Variants in KDM4C observed in about 807,000 individuals in gnomAD.
The protein encoded by KDM4C is lysine-specific demethylase 4C.
KDM4C carries 81 observed loss-of-function variants against 129.3 expected under a neutral mutation model. The observed-to-expected ratio is 0.63, with a 90% CI of 0.52 to 0.75. The LOEUF is 0.75. KDM4C is among the 30% of genes least tolerant of loss of function. The probability of loss-of-function intolerance (pLI) is 0.00; values close to 1 mark genes in which losing one functional copy is unlikely to be tolerated. For missense variants in KDM4C, 1,457 were observed against 1,304.0 expected, an observed-to-expected ratio of 1.12 and a Z score of -1.81; for synonymous variants, 573 against 456.1, an observed-to-expected ratio of 1.26 and a Z score of -3.26.
chr9:7,166,047 T>C (rs986858065), intron 20 of KDM4C, among the ~76,000 whole-genome samples: 3 of 152,220 alleles, frequency 2.0e-5, no homozygotes, highest in Non-Finnish European at 4.4e-5. Flanking sequence ...CGTGCACATT[T>C]ATATTCCTTC....
intron 8 of KDM4C, among the ~76,000 whole-genome samples, chr9:6,961,008 A>G (rs1589330084): frequency 1.3e-5 from 2 of 152,226 alleles, no homozygotes; most frequent in East Asian, 3.8e-4. Flanking sequence ...GATGGAGAAC[A>G]GCAAGAGGTG....
Position 7,031,130 on chromosome 9 carries a change from GTTTATTTATTTA to G in KDM4C, c.2259+15231_2259+15242del, listed in dbSNP as rs57636781. Among the ~76,000 whole-genome samples, 16 of 141,252 alleles carry G rather than the reference GTTTATTTATTTA, an allele frequency of 1.1e-4. No individual in the cohort carries two copies. In the South Asian group the frequency reaches 1.3e-3, roughly 12 times the overall value. 92.7% of individuals were successfully genotyped at this position (141,252 alleles called of 152,430 possible). On this transcript the variant is annotated intron_variant, in intron 15 of 21. Coordinates refer to ENST00000381309, the MANE Select transcript of KDM4C (RefSeq NM_015061.6). ...ATTCATTGTGTCCTTTATTTTACTT[GTTTATTTATTTA>G]TTTATTTATTTATTTATTTATTTAT...
intron 8 of KDM4C, among the ~76,000 whole-genome samples, chr9:6,943,056 A>G (rs1002895187): frequency 4.6e-5 from 7 of 151,868 alleles, no homozygotes; most frequent in Non-Finnish European, 8.8e-5. Context: ...TTTTGTAGAG[A>G]CGAGGTCTTG....
At chr9:7,073,994 T>C (rs967153320) in intron 17 of KDM4C, among the ~76,000 whole-genome samples, 1 of 152,164 alleles carries the variant, frequency 6.6e-6, no homozygotes, top group African/African-American at 2.4e-5. Context: ...CATTTTAGCA[T>C]TGACAGCTTT....
intron 15 of KDM4C, among the ~76,000 whole-genome samples, chr9:7,024,059 T>C (rs1421732667): frequency 6.6e-6 from 1 of 152,220 alleles, no homozygotes; most frequent in Non-Finnish European, 1.5e-5. Flanking sequence ...ACATGACCTA[T>C]CTTTGAGAAT....
chr9:6,736,746 A>AGT lies in KDM4C; in HGVS notation c.49+15749_49+15750insGT, dbSNP rs568688476. Among the ~76,000 whole-genome samples, 70 of 152,268 alleles carry AGT rather than the reference A, an allele frequency of 4.6e-4. 1 individual carries two copies. The highest frequency in any genetic ancestry group is 1.5e-3 in the African/African-American group (64 of 41,556). On this transcript the variant is annotated intron_variant, in intron 1 of 17. Coordinates refer to the KDM4C transcript ENST00000536108. The stretch of plus-strand genomic sequence containing the variant: ...CTTCAGCAAAGTTTTAGGATACAAA[A>AGT]TCAGTATACAGAAATCAGTATCCAC...
At chr9:7,152,594 G>A (rs1221516118) in intron 19 of KDM4C, among the ~76,000 whole-genome samples, 2 of 152,206 alleles carry the variant, frequency 1.3e-5, no homozygotes. Flanking sequence ...TTCTGTTTGG[G>A]AAGATAAAGT....
rs33974740 is a variant in KDM4C at position 6,926,341 on chromosome 9, T to TAA, written c.921+33122_921+33123dup. 2.5e-3 allele frequency among the ~76,000 whole-genome samples: 268 copies of TAA among 107,384 alleles called. 6 individuals carry two copies. The highest frequency in any genetic ancestry group is 4.4e-3 in the African/African-American group (131 of 30,014). The allele number at this position is 107,384 out of a possible 152,430, so 70.4% of individuals were successfully genotyped here. On this transcript the variant is annotated intron_variant, in intron 8 of 21. Coordinates refer to ENST00000381309, the MANE Select transcript of KDM4C (RefSeq NM_015061.6). ...GAAGCAGTTGTAGAGAGATAATTTG[T>TAA]AAAAAAAAAAAAAAGGACCAAAATA... is the stretch of plus-strand genomic sequence containing the variant.
Position 7,011,875 on chromosome 9 carries a change from A to G in KDM4C, c.1964A>G (p.His655Arg), listed in dbSNP as rs773344025. The stretch of plus-strand genomic sequence containing the variant: ...ATCTGCACTCTGCTCATGCCGTACC[A>G]CAAGGTAAAGGAGCCTGCTATCATA... ...CAICTLLMPYHKPDSSNEEND... is the reference protein window; with the variant it reads ...CAICTLLMPYRKPDSSNEEND... Residue 655 changes from histidine to arginine, a missense_variant, in exon 13 of 22, where the codon CAC (histidine) becomes CGC (arginine). Transcript: ENST00000381309. 5 of 1,612,934 alleles carry G rather than the reference A, an allele frequency of 3.1e-6. No homozygotes were observed. The African/African-American group carries it at 4.0e-5, about 13-fold the overall frequency.
At chr9:7,052,195 A>G (rs868380381) in intron 17 of KDM4C, among the ~76,000 whole-genome samples, 15 of 152,324 alleles carry the variant, frequency 9.8e-5, no homozygotes, top group African/African-American at 3.6e-4. Flanking sequence ...TAGCAAAGCA[A>G]TAAAGTCTGG....
At chr9:7,002,886 A>G (rs932348393) in intron 12 of KDM4C, among the ~76,000 whole-genome samples, 1 of 152,194 alleles carries the variant, frequency 6.6e-6, no homozygotes, top group Admixed American at 6.5e-5. Context: ...TTTTAGATAG[A>G]CTATTGCTAT....
chr9:7,026,619 T>C (rs1378725766), intron 15 of KDM4C, among the ~76,000 whole-genome samples: 2 of 152,184 alleles, frequency 1.3e-5, no homozygotes, highest in Non-Finnish European at 2.9e-5. Context: ...ACTTTGACAT[T>C]AATATCATTC....
intron 1 of KDM4C, among the ~76,000 whole-genome samples, chr9:6,747,431 C>A (rs1416794699): frequency 6.7e-6 from 1 of 149,912 alleles, no homozygotes; most frequent in African/African-American, 2.5e-5. Context: ...GCCTGTAGTC[C>A]CAACTACTCC....
At chr9:7,094,503 A>G (rs1836184164) in intron 17 of KDM4C, among the ~76,000 whole-genome samples, 1 of 152,164 alleles carries the variant, frequency 6.6e-6, no homozygotes, top group Non-Finnish European at 1.5e-5. Flanking sequence ...CGAATCTACA[A>G]ACTCACTGCT....
intron 1 of KDM4C, among the ~76,000 whole-genome samples, chr9:6,747,056 G>A (rs946107015): frequency 1.7e-4 from 26 of 150,932 alleles, no homozygotes; most frequent in African/African-American, 6.1e-4. Flanking sequence ...AGTCAGGTGT[G>A]GTGGTGCACA....
At chr9:7,043,313 T>G (rs1430404527) in intron 15 of KDM4C, among the ~76,000 whole-genome samples, 1 of 151,984 alleles carries the variant, frequency 6.6e-6, no homozygotes, top group African/African-American at 2.4e-5. Flanking sequence ...ATTCTTTCAT[T>G]GAAAGATTTG....
chr9:7,073,771 G>T (rs1019962137), intron 17 of KDM4C, among the ~76,000 whole-genome samples: 2 of 152,136 alleles, frequency 1.3e-5, no homozygotes, highest in African/African-American at 2.4e-5. Flanking sequence ...CATTAGCCTT[G>T]CAGGGCCCAT....
At chr9:7,092,109 C>A (rs991252275) in intron 17 of KDM4C, among the ~76,000 whole-genome samples, 3 of 152,144 alleles carry the variant, frequency 2.0e-5, no homozygotes, top group Non-Finnish European at 4.4e-5. Context: ...TTACATTCTG[C>A]TGTTTCTTTT....
At chr9:6,832,709 G>A (rs1417833532) in intron 4 of KDM4C, among the ~76,000 whole-genome samples, 80 of 147,278 alleles carry the variant, frequency 5.4e-4, no homozygotes, top group Admixed American at 4.2e-4. Context: ...ATAGGCGTGA[G>A]CCACTGTGCC....
Sources: gnomAD v4.1 joint callset for allele counts (sites outside exome capture counted in the v4.1 genomes callset) on GRCh38, gnomAD v4.1.1 for gene constraint, MANE v1.5 for transcripts, NCBI Gene and HGNC (gene_info 2026-07-23, HGNC 2026-07-21) for gene names.